PTPRG: variants seen among roughly 807,000 people sequenced by gnomAD.
The protein encoded by PTPRG is receptor-type tyrosine-protein phosphatase gamma.
Under a neutral mutation model 165.3 loss-of-function variants are expected in PTPRG, and 102 were observed. The observed-to-expected ratio is 0.62, with a 90% CI of 0.53 to 0.73. The LOEUF is 0.73. Among genes scored for constraint, PTPRG ranks in the 30% least tolerant of loss-of-function variants. The probability of loss-of-function intolerance (pLI) is 0.00; values close to 1 mark genes in which losing one functional copy is unlikely to be tolerated. For synonymous variants in PTPRG, 675 were observed against 669.5 expected (o/e 1.01, Z -0.13); for missense variants, 1,866 against 1,861.4 (o/e 1.00, Z -0.05).
At chr3:61,595,372 A>G (rs1286449231) in intron 1 of PTPRG, among the ~76,000 whole-genome samples, 1 of 152,182 alleles carries the variant, frequency 6.6e-6, no homozygotes, top group African/African-American at 2.4e-5. Context: ...CTGAAGTAAG[A>G]CTCTGGGGAC....
chr3:62,064,770 T>C (rs1700952517), intron 4 of PTPRG, among the ~76,000 whole-genome samples: 1 of 145,674 alleles, frequency 6.9e-6, no homozygotes, highest in African/African-American at 2.5e-5. Context: ...TTCACTGTTC[T>C]TGCCCAGCCT....
At chr3:62,176,952 A>G (rs1237292192) in intron 8 of PTPRG, among the ~76,000 whole-genome samples, 2 of 152,070 alleles carry the variant, frequency 1.3e-5, no homozygotes, top group African/African-American at 4.8e-5. Flanking sequence ...CTAAGCTTCT[A>G]TTTCCTTGCC....
chr3:62,242,579 A>G (rs1156626906), intron 14 of PTPRG, among the ~76,000 whole-genome samples: 1 of 152,234 alleles, frequency 6.6e-6, no homozygotes, highest in Non-Finnish European at 1.5e-5. Context: ...TAGCCTGTAT[A>G]AAACCTGAGA....
chr3:61,610,163 A>G (rs1701128296), intron 1 of PTPRG, among the ~76,000 whole-genome samples: 1 of 151,476 alleles, frequency 6.6e-6, no homozygotes, highest in African/African-American at 2.4e-5. Flanking sequence ...AATCTGTAAA[A>G]TGAGAGCAAT....
chr3:61,733,729 A>G (rs893309040), intron 1 of PTPRG, among the ~76,000 whole-genome samples: 6 of 152,186 alleles, frequency 3.9e-5, no homozygotes, highest in Non-Finnish European at 8.8e-5. Flanking sequence ...TTCTGCCACA[A>G]TATCTTTAGT....
Position 62,273,398 on chromosome 3 carries a change from T to C in PTPRG, c.3319-300T>C, listed in dbSNP as rs1649493862. Among the ~76,000 whole-genome samples, 1 of 152,184 alleles carries C rather than the reference T, an allele frequency of 6.6e-6. No homozygotes were observed. The highest frequency in any genetic ancestry group is 2.4e-5 in the African/African-American group (1 of 41,452). On this transcript the variant is annotated intron_variant, in intron 22 of 29. Coordinates refer to ENST00000474889, the MANE Select transcript of PTPRG (RefSeq NM_002841.4). The surrounding 1 kb of genome is among the most constrained non-coding windows in gnomAD (Gnocchi z 4.1). The stretch of plus-strand genomic sequence containing the variant: ...AGAAATACATAGGAGAGGATGGTTC[T>C]AAAACCCTTCATTGAACACGATTTT...
intron 1 of PTPRG, among the ~76,000 whole-genome samples, chr3:61,663,089 G>A (rs1375989900): frequency 2.6e-5 from 4 of 152,296 alleles, no homozygotes; most frequent in African/African-American, 9.6e-5. Context: ...TTTGAGACAA[G>A]CCTGGGCAAC....
chr3:62,103,003 C>A (rs896459515), intron 5 of PTPRG, among the ~76,000 whole-genome samples: 5 of 152,162 alleles, frequency 3.3e-5, no homozygotes, highest in African/African-American at 1.2e-4. Context: ...AATCACAAGT[C>A]TTTCTGTTAT....
At chr3:61,698,466 C>T (rs927569047) in intron 1 of PTPRG, among the ~76,000 whole-genome samples, 1 of 152,116 alleles carries the variant, frequency 6.6e-6, no homozygotes, top group Non-Finnish European at 1.5e-5. Flanking sequence ...AACAGGCAGG[C>T]TGGATTTGGC....
At chr3:61,772,870 T>A (rs936673376) in intron 2 of PTPRG, among the ~76,000 whole-genome samples, 3 of 152,188 alleles carry the variant, frequency 2.0e-5, no homozygotes, top group African/African-American at 7.2e-5. Flanking sequence ...TGCTGTAACT[T>A]TTTCCCGTGT....
intron 1 of PTPRG, among the ~76,000 whole-genome samples, chr3:61,698,035 T>C (rs1323141705): frequency 1.3e-5 from 2 of 152,204 alleles, no homozygotes; most frequent in African/African-American, 4.8e-5. Context: ...CTCTTCATTC[T>C]TCATCAAACA....
chr3:61,597,022 GT>G (rs1700718689), intron 1 of PTPRG, among the ~76,000 whole-genome samples: 1 of 152,094 alleles, frequency 6.6e-6, no homozygotes, highest in Non-Finnish European at 1.5e-5. Context: ...CCAGCGTGTG[GT>G]GAGGGTCTTC....
chr3:62,168,129 C>T lies in PTPRG; in HGVS notation c.999C>T (p.Phe333=). 6.2e-7 allele frequency: 1 copy of T among 1,614,034 alleles called. No homozygotes were observed. The change falls in exon 8 of 30, where the codon TTC becomes TTT. Residue 333 remains phenylalanine (F), a synonymous_variant. Coordinates refer to ENST00000474889, the MANE Select transcript of PTPRG (RefSeq NM_002841.4). ...CCTGGAACCACGACATGACAGACTT[C>T]TTAGAAAACCCACTGGGGACAGAAG... ...RDSWNHDMTD[F]LENPLGTEAS...
At chr3:61,880,622 CAAAAAAA>C (rs35846878) in intron 2 of PTPRG, among the ~76,000 whole-genome samples, 19 of 80,226 alleles carry the variant, frequency 2.4e-4, no homozygotes, top group African/African-American at 6.2e-4. Flanking sequence ...AACCCTGTCT[CAAAAAAA>C]AAAAAAAAAA....
intron 5 of PTPRG, among the ~76,000 whole-genome samples, chr3:62,118,915 C>G (rs1175737191): frequency 6.6e-6 from 1 of 152,210 alleles, no homozygotes; most frequent in East Asian, 1.9e-4. Context: ...TTAAAGTCTT[C>G]TTTTAGCTTC....
At chr3:61,770,116 G>C (rs929149565) in intron 2 of PTPRG, 2 of 152,186 alleles carry the variant, frequency 1.3e-5, no homozygotes, top group Non-Finnish European at 2.9e-5. Context: ...AATGTGGTGA[G>C]ATGGATTTTA....
intron 5 of PTPRG, among the ~76,000 whole-genome samples, chr3:62,084,674 C>A (rs537222960): frequency 5.3e-5 from 8 of 152,234 alleles, no homozygotes; most frequent in African/African-American, 1.7e-4. Flanking sequence ...CCAGGGCTGG[C>A]GAGGAAGCCT....
At chr3:62,130,360 C>T (rs138118389) in intron 5 of PTPRG, among the ~76,000 whole-genome samples, 1 of 152,196 alleles carries the variant, frequency 6.6e-6, no homozygotes, top group African/African-American at 2.4e-5. Context: ...TTCACTAATT[C>T]TCCATTCACT....
chr3:62,069,637 GTCTCTCTCTCTCTCTCTCTC>G (rs537162206), intron 4 of PTPRG, among the ~76,000 whole-genome samples: 103 of 141,146 alleles, frequency 7.3e-4, no homozygotes, highest in Admixed American at 1.7e-3. Flanking sequence ...TAGGATCGAT[GTCTCTCTCTCTCTCTCTCTC>G]TCTCTCTCTC....
Sources: gnomAD v4.1 joint callset for allele counts (sites outside exome capture counted in the v4.1 genomes callset) on GRCh38, gnomAD v4.1.1 for gene constraint, Gnocchi (gnomAD v3.1) non-coding constraint, MANE v1.5 for transcripts, NCBI Gene and HGNC (gene_info 2026-07-23, HGNC 2026-07-21) for gene names.